The following SH3RF3 variants were observed in gnomAD, a reference collection of about 807,000 sequenced individuals.
SH3RF3 encodes SH3 domain containing ring finger 3.
SH3RF3 carries 29 observed loss-of-function variants against 66.3 expected under a neutral mutation model. The ratio of observed to expected loss-of-function variants is 0.44; its 90% CI spans 0.33 to 0.60. The LOEUF is 0.60. SH3RF3 is among the 20% of genes least tolerant of loss of function. SH3RF3 has a pLI of 0.04. For synonymous variants in SH3RF3, 583 were observed against 532.0 expected, an observed-to-expected ratio of 1.10 and a Z score of -1.32; for missense variants, 1,194 against 1,190.9, an observed-to-expected ratio of 1.00 and a Z score of -0.04.
At chr2:109,295,932 C>A (rs1198821361) in intron 1 of SH3RF3, among the ~76,000 whole-genome samples, 1 of 152,134 alleles carries the variant, frequency 6.6e-6, no homozygotes. Flanking sequence ...CCTGCCTGTG[C>A]CGACACTGCT....
intron 1 of SH3RF3, among the ~76,000 whole-genome samples, chr2:109,238,938 G>A (rs1679716187): frequency 6.6e-6 from 1 of 152,192 alleles, no homozygotes; most frequent in Non-Finnish European, 1.5e-5. Flanking sequence ...AGAGACAACA[G>A]ATGAGAGGGC....
chr2:109,408,039 G>C (rs994514969), intron 4 of SH3RF3, among the ~76,000 whole-genome samples: 2 of 152,134 alleles, frequency 1.3e-5, no homozygotes, highest in Non-Finnish European at 2.9e-5. Context: ...AGATCCTTGG[G>C]TCTTCTTGGC....
Position 109,489,583 on chromosome 2 carries a change from CAG to C in SH3RF3, c.2149-1017_2149-1016del, listed in dbSNP as rs574839181. Among the ~76,000 whole-genome samples the C allele has an allele frequency of 1.3e-5, 2 of 152,256 alleles. 1 individual carries two copies. Among genetic ancestry groups the C allele is most frequent in the East Asian group, 3.8e-4 (2 of 5,198 alleles). ...GCCAGGCTTGGCCAGGGTCCCGTGACAGAGAGGGCTGTGTTGTCGGGGATGGC... is the reference window on the plus strand; with the variant it reads ...GCCAGGCTTGGCCAGGGTCCCGTGACAGAGGGCTGTGTTGTCGGGGATGGC... On this transcript the variant is annotated intron_variant, in intron 8 of 9. Transcript: ENST00000309415.
chr2:109,225,372 C>T (rs571087713), intron 1 of SH3RF3, among the ~76,000 whole-genome samples: 5 of 152,322 alleles, frequency 3.3e-5, no homozygotes, highest in South Asian at 4.1e-4. Context: ...TTCCGGGCTC[C>T]GCTTGGACCC....
chr2:109,203,407 C>T (rs548044959), intron 1 of SH3RF3, among the ~76,000 whole-genome samples: 17 of 152,312 alleles, frequency 1.1e-4, no homozygotes, highest in Admixed American at 2.0e-4. Flanking sequence ...CGCGTCCCTA[C>T]GAGCGCATCA....
Position 109,449,176 on chromosome 2 carries a change from A to G in SH3RF3, c.1835A>G (p.His612Arg). The change falls in exon 8 of 10, where the codon CAC becomes CGC. Residue 612 changes from histidine (H) to arginine (R), a missense_variant. Physicochemically the swap from His to Arg is conservative, Grantham distance 29 (BLOSUM62 0). Transcript: ENST00000309415. The stretch of plus-strand genomic sequence containing the variant: ...TCTCCAACCCCGTCTCCAGCTGCCC[A>G]CTCTGCAGCCCAGGCTCAGGACCGG... ...QARSTISTAA[H>R]SAAQAQDRPT... 1.2e-6 allele frequency: 2 copies of G among 1,613,070 alleles called. No individual in the cohort carries two copies. The highest frequency in any genetic ancestry group is 4.5e-5 in the East Asian group (2 of 44,850).
chr2:109,386,911 G>A (rs1258997506), intron 3 of SH3RF3, among the ~76,000 whole-genome samples: 1 of 152,178 alleles, frequency 6.6e-6, no homozygotes, highest in African/African-American at 2.4e-5. Flanking sequence ...AGCTCAGGAG[G>A]TCTCCCCATA....
chr2:109,140,074 C>G (rs1676910502), intron 1 of SH3RF3, among the ~76,000 whole-genome samples: 1 of 152,226 alleles, frequency 6.6e-6, no homozygotes, highest in South Asian at 2.1e-4. Flanking sequence ...GAGGACAGGT[C>G]TGCGGAAGGC....
intron 2 of SH3RF3, among the ~76,000 whole-genome samples, chr2:109,348,184 C>G (rs56716085): frequency 6.6e-6 from 1 of 152,066 alleles, no homozygotes; most frequent in African/African-American, 2.4e-5. Flanking sequence ...AGCTCCAGCC[C>G]AGAGCTACAT....
At position 109,182,558 on chromosome 2, in the gene SH3RF3, A is replaced by G. The variant is rs566438064; in HGVS notation, c.573+52445A>G. On this transcript the variant is annotated intron_variant, in intron 1 of 9. Transcript: ENST00000309415. ...GATGTGCTTGGGACATAGAAAGCAC[A>G]TGGAACTTGCACAGGAGATATTTTG... is the stretch of plus-strand genomic sequence containing the variant. Among the ~76,000 whole-genome samples the G allele has an allele frequency of 3.9e-5, 6 of 152,390 alleles. No homozygotes were observed. The South Asian group carries it at 8.3e-4, about 21-fold the overall frequency.
At chr2:109,315,071 T>G (rs1480507395) in intron 1 of SH3RF3, among the ~76,000 whole-genome samples, 4 of 152,228 alleles carry the variant, frequency 2.6e-5, no homozygotes. Flanking sequence ...ACGACACGTT[T>G]CCATCAGTGC....
intron 2 of SH3RF3, among the ~76,000 whole-genome samples, chr2:109,367,121 T>TTTTC (rs1683165531): frequency 1.3e-5 from 1 of 75,586 alleles, no homozygotes; most frequent in African/African-American, 7.7e-5. Context: ...CCCTGGTAAT[T>TTTTC]TTTTTTTTTT....
At chr2:109,416,336 T>G (rs1199327374) in intron 4 of SH3RF3, among the ~76,000 whole-genome samples, 1 of 151,998 alleles carries the variant, frequency 6.6e-6, no homozygotes, top group Non-Finnish European at 1.5e-5. Flanking sequence ...GGCTCATGCC[T>G]GTAATCCCAG....
chr2:109,130,103 C>G lies in SH3RF3; in HGVS notation c.563C>G (p.Pro188Arg). The G allele has an allele frequency of 2.2e-6, 3 of 1,333,674 alleles. No homozygotes were observed. The highest frequency in any genetic ancestry group is 2.9e-6 in the Non-Finnish European group (3 of 1,045,902). The allele number at this position is 1,333,674 out of a possible 1,614,324, so 82.6% of individuals were successfully genotyped here. A position where few individuals can be genotyped will look rare whatever the true frequency, so the allele number is the denominator to read the frequency against. Residue 188 changes from proline to arginine, a missense_variant, in exon 1 of 10, where the codon CCG becomes CGG. Pro to Arg is a moderately radical substitution (Grantham distance 103). Coordinates refer to ENST00000309415, the MANE Select transcript of SH3RF3 (RefSeq NM_001099289.3). ...GAGCTGGCGACCAGCAGGACCGCGC[C>G]GGCGGCAAAGGTGAGTATCTGTCTC... Reference protein sequence around the residue: ...LRELATSRTAPAAKNPCLLPY... With the variant: ...LRELATSRTARAAKNPCLLPY...
chr2:109,318,591 C>G (rs1489203307), intron 1 of SH3RF3, among the ~76,000 whole-genome samples: 8 of 152,224 alleles, frequency 5.3e-5, no homozygotes, highest in African/African-American at 1.4e-4. Flanking sequence ...GTAGAGCCAG[C>G]TCCTGAGGGG....
rs117582902 is a variant in SH3RF3, at chr2:109,300,876, A to G, written c.574-46798A>G. ...TCAGAACGACTTAAAAAGCAAGCAGAGTGCCCTCTCTGCTGCTTTGGAGGC... is the reference window on the plus strand; with the variant it reads ...TCAGAACGACTTAAAAAGCAAGCAGGGTGCCCTCTCTGCTGCTTTGGAGGC... On this transcript the variant is annotated intron_variant, in intron 1 of 9. Transcript: ENST00000309415. Among the ~76,000 whole-genome samples, 1,305 of 152,278 alleles carry G rather than the reference A, an allele frequency of 8.6e-3. 18 individuals are homozygous for G. The highest frequency in any genetic ancestry group is 0.047 in the East Asian group (241 of 5,170).
intron 8 of SH3RF3, among the ~76,000 whole-genome samples, chr2:109,475,257 G>A (rs550196236): frequency 2.0e-5 from 3 of 152,212 alleles, no homozygotes; most frequent in Admixed American, 6.5e-5. Context: ...GATTACAGGC[G>A]TGAGCCACCA....
At chr2:109,184,350 G>A (rs967212406) in intron 1 of SH3RF3, among the ~76,000 whole-genome samples, 1 of 152,198 alleles carries the variant, frequency 6.6e-6, no homozygotes, top group Admixed American at 6.5e-5. Flanking sequence ...ATCGCACAAA[G>A]GCCAGGAGTT....
chr2:109,161,400 G>A (rs897157606), intron 1 of SH3RF3, among the ~76,000 whole-genome samples: 3 of 151,884 alleles, frequency 2.0e-5, no homozygotes, highest in Non-Finnish European at 2.9e-5. Context: ...CTGAGCCTTC[G>A]TTTCCTTTCT....
Sources: allele counts gnomAD v4.1 joint callset (sites outside exome capture counted in the v4.1 genomes callset), GRCh38; gene constraint gnomAD v4.1.1; transcripts MANE v1.5; gene names NCBI Gene and HGNC (gene_info 2026-07-23, HGNC 2026-07-21).